Variants in ARHGAP32 observed in about 807,000 individuals in gnomAD.
The protein encoded by ARHGAP32 is Rho GTPase activating protein 32.
In ARHGAP32, 51 loss-of-function variants were observed where a neutral mutation model predicts 186.5. The ratio of observed to expected loss-of-function variants is 0.27; its 90% CI spans 0.22 to 0.35. The LOEUF is 0.35. ARHGAP32 is among the 10% of genes least tolerant of loss of function. The pLI is 1.00. For synonymous variants in ARHGAP32, 950 were observed against 964.3 expected (o/e 0.99, Z 0.27); for missense variants, 2,186 against 2,623.5 (o/e 0.83, Z 3.64).
At chr11:129,274,064 T>C (rs1945503619) in intron 1 of ARHGAP32, among the ~76,000 whole-genome samples, 1 of 151,926 alleles carries the variant, frequency 6.6e-6, no homozygotes, top group Admixed American at 6.6e-5. Context: ...ATTTTACTTC[T>C]ATTCTGAACA....
At chr11:129,242,000 G>A (rs1945024625) in intron 1 of ARHGAP32, among the ~76,000 whole-genome samples, 2 of 152,310 alleles carry the variant, frequency 1.3e-5, no homozygotes, top group Middle Eastern at 3.4e-3. Flanking sequence ...AGAAATGGGA[G>A]GCAAGCTGGG....
chr11:129,158,051 G>A (rs940263712), intron 2 of ARHGAP32, among the ~76,000 whole-genome samples: 13 of 152,136 alleles, frequency 8.5e-5, no homozygotes, highest in Non-Finnish European at 1.9e-4. Context: ...CACCAGGCCT[G>A]TCTTACAAGA....
chr11:128,981,834 C>A lies in ARHGAP32; in HGVS notation c.1629G>T (p.Leu543=). Residue 543 remains leucine (L), a synonymous_variant, in exon 16 of 23, where the codon CTG becomes CTT. Transcript: ENST00000682385. ...KNLAIVWAPN[L]LRSKQIESAC... ...ATAAGTGAAATGCAAATTACCTTAA[C>A]AGGTTTGGAGCCCAAACAATTGCTA... is the stretch of plus-strand genomic sequence containing the variant. 1 of 1,601,898 alleles carries A rather than the reference C, an allele frequency of 6.2e-7. No homozygotes were observed.
intron 6 of ARHGAP32, among the ~76,000 whole-genome samples, chr11:129,086,712 T>A (rs1459529533): frequency 1.4e-4 from 21 of 150,848 alleles, no homozygotes; most frequent in African/African-American, 4.1e-4. Context: ...TCCCAGCTAC[T>A]CAGAAGGCTG....
At chr11:129,014,824 A>T (rs1048766181) in intron 11 of ARHGAP32, among the ~76,000 whole-genome samples, 1 of 152,234 alleles carries the variant, frequency 6.6e-6, no homozygotes, top group African/African-American at 2.4e-5. Flanking sequence ...GAATACAAAT[A>T]CAGGCAACTG....
chr11:129,272,550 G>A (rs1407609232), intron 1 of ARHGAP32, among the ~76,000 whole-genome samples: 7 of 152,300 alleles, frequency 4.6e-5, no homozygotes, highest in Middle Eastern at 3.4e-3. Context: ...GAGAAGCTAG[G>A]AAATGCAGTT....
At chr11:129,228,840 A>G (rs966435233) in intron 1 of ARHGAP32, among the ~76,000 whole-genome samples, 8 of 152,222 alleles carry the variant, frequency 5.3e-5, no homozygotes, top group South Asian at 2.1e-4. Flanking sequence ...CATGTCCTGC[A>G]CATGTATCCC....
chr11:129,113,366 T>C (rs1463340136), intron 5 of ARHGAP32, among the ~76,000 whole-genome samples: 1 of 152,170 alleles, frequency 6.6e-6, no homozygotes, highest in East Asian at 1.9e-4. Flanking sequence ...CTGTATGCAG[T>C]TATAATTTAA....
chr11:129,277,602 G>A (rs768114237), intron 1 of ARHGAP32, among the ~76,000 whole-genome samples: 1 of 152,166 alleles, frequency 6.6e-6, no homozygotes, highest in East Asian at 1.9e-4. Flanking sequence ...TGTCCAAAGT[G>A]CTGCTTTATA....
At chr11:129,154,528 C>T (rs1005905746) in intron 2 of ARHGAP32, among the ~76,000 whole-genome samples, 4 of 152,074 alleles carry the variant, frequency 2.6e-5, no homozygotes, top group Non-Finnish European at 5.9e-5. Context: ...GGTATATATA[C>T]ACTACAGAAT....
chr11:129,224,748 G>T (rs1388936365), intron 1 of ARHGAP32, among the ~76,000 whole-genome samples: 1 of 121,818 alleles, frequency 8.2e-6, no homozygotes, highest in Non-Finnish European at 1.6e-5. Context: ...TATTTGACCT[G>T]ACTCACAGCT....
intron 11 of ARHGAP32, chr11:129,030,379 G>T (rs1392097646): frequency 6.6e-6 from 1 of 152,108 alleles, no homozygotes; most frequent in East Asian, 1.9e-4. Context: ...CTGGAATTAG[G>T]TAATACTGAA....
intron 2 of ARHGAP32, among the ~76,000 whole-genome samples, chr11:129,159,117 T>C (rs188143455): frequency 6.6e-6 from 1 of 152,106 alleles, no homozygotes; most frequent in African/African-American, 2.4e-5. Context: ...AGATCTAAAA[T>C]TGGTACCCTA....
chr11:129,236,824 T>TC (rs1376655778), intron 1 of ARHGAP32, among the ~76,000 whole-genome samples: 2 of 152,330 alleles, frequency 1.3e-5, no homozygotes, highest in African/African-American at 4.8e-5. Flanking sequence ...CCTGTCTTGT[T>TC]CCAGTTCTCA....
rs184259562 is a variant in ARHGAP32 at position 129,059,140 on chromosome 11, G to A, written c.963+3140C>T. Among the ~76,000 whole-genome samples, 219 of 152,280 alleles carry A rather than the reference G, an allele frequency of 1.4e-3. 2 individuals are homozygous for A. The highest frequency in any genetic ancestry group is 0.013 in the Admixed American group (195 of 15,284). On this transcript the variant is annotated intron_variant, in intron 10 of 22. Coordinates refer to ENST00000682385, the MANE Select transcript of ARHGAP32 (RefSeq NM_001378024.1). ...TGAAGAACGTTAATAATCTGAGAGT[G>A]AATGTAAAAATCATGCTTAGTGCTC...
rs573186922 is a variant in ARHGAP32, at chr11:129,081,828, A to G, written c.531+11793T>C. On this transcript the variant is annotated intron_variant, in intron 6 of 22. Coordinates refer to ENST00000682385, the MANE Select transcript of ARHGAP32 (RefSeq NM_001378024.1). ...GTCAAACTGTCGCTGTTCACCAATGATATGATTGTATACCTAGAAAACCCT... is the reference window on the plus strand; with the variant it reads ...GTCAAACTGTCGCTGTTCACCAATGGTATGATTGTATACCTAGAAAACCCT... 1.4e-4 allele frequency among the ~76,000 whole-genome samples: 22 copies of G among 152,200 alleles called. No homozygotes were observed. In the South Asian group the frequency reaches 2.3e-3, roughly 16 times the overall value.
At chr11:129,159,041 G>C (rs1189822017) in intron 2 of ARHGAP32, among the ~76,000 whole-genome samples, 3 of 152,196 alleles carry the variant, frequency 2.0e-5, no homozygotes, top group Non-Finnish European at 4.4e-5. Flanking sequence ...CAGAATTTCT[G>C]GGACAAGTGA....
intron 12 of ARHGAP32, among the ~76,000 whole-genome samples, chr11:128,991,291 C>T (rs1040523802): frequency 1.3e-5 from 2 of 152,014 alleles, no homozygotes; most frequent in East Asian, 1.9e-4. Context: ...TGAATGTCTA[C>T]ACAAAAATCA....
At chr11:128,989,352 C>T (rs1945969643) in intron 12 of ARHGAP32, among the ~76,000 whole-genome samples, 1 of 151,970 alleles carries the variant, frequency 6.6e-6, no homozygotes, top group African/African-American at 2.4e-5. Context: ...TCAGAGATAT[C>T]CTACAAGGAA....
Sources: allele counts gnomAD v4.1 joint callset (sites outside exome capture counted in the v4.1 genomes callset), GRCh38; gene constraint gnomAD v4.1.1; transcripts MANE v1.5; gene names NCBI Gene and HGNC (gene_info 2026-07-23, HGNC 2026-07-21).